TXNDC5: variants seen among roughly 807,000 people sequenced by gnomAD.
TXNDC5 encodes the protein thioredoxin domain-containing protein 5.
TXNDC5 carries 44 observed loss-of-function variants against 52.6 expected under a neutral mutation model. The observed-to-expected ratio is 0.84, with a 90% CI of 0.66 to 1.08. TXNDC5 has a LOEUF of 1.08. Among genes scored for constraint, TXNDC5 ranks in the 50% least tolerant of loss-of-function variants. TXNDC5 has a pLI of 0.00. For synonymous variants in TXNDC5, 241 were observed against 234.4 expected, an observed-to-expected ratio of 1.03 and a Z score of -0.26; for missense variants, 600 against 565.5, an observed-to-expected ratio of 1.06 and a Z score of -0.62.
At chr6:7,902,999 CCA>C (rs1227584254) in intron 2 of TXNDC5, among the ~76,000 whole-genome samples, 1 of 152,148 alleles carries the variant, frequency 6.6e-6, no homozygotes, top group Non-Finnish European at 1.5e-5. Context: ...ATAACACATA[CCA>C]CTCTCAGCTC....
intron 1 of TXNDC5, among the ~76,000 whole-genome samples, chr6:7,905,833 T>C (rs1466479747): frequency 6.6e-6 from 1 of 152,262 alleles, no homozygotes; most frequent in Non-Finnish European, 1.5e-5. Flanking sequence ...AATGCTTTTT[T>C]TTTAAACACA....
In TXNDC5 at chr6:7,910,554, TC is replaced by T; in HGVS notation, c.222del (p.Ile75SerfsTer65). 6.9e-7 allele frequency: 1 copy of T among 1,453,416 alleles called. No homozygotes were observed. Among genetic ancestry groups the T allele is most frequent in the Non-Finnish European group, 9.2e-7 (1 of 1,092,538 alleles). 90.0% of individuals were successfully genotyped at this position (1,453,416 alleles called of 1,614,324 possible). A position where few individuals can be genotyped will look rare whatever the true frequency, so the allele number is the denominator to read the frequency against. ...HLYTADMFTHGIQSAAHFVMF... is the reference protein window; with the variant it reads ...HLYTADMFTHXIQSAAHFVMF... ...ATGACGAAGTGCGCGGCGCTCTGGA[TC>T]CCGTGCGTGAACATGTCGGCCGTGT... On this transcript the variant is annotated frameshift_variant, in exon 1 of 10. Coordinates refer to ENST00000379757, the MANE Select transcript of TXNDC5 (RefSeq NM_030810.5). LOFTEE classifies it high-confidence loss of function.
chr6:7,899,523 G>T, intron 3 of TXNDC5, 53 bp downstream of exon 3: 1 of 1,397,510 alleles, frequency 7.2e-7, no homozygotes, highest in Non-Finnish European at 1.0e-6. Flanking sequence ...CAAAGATGTA[G>T]GCAGGGAGAG....
intron 1 of TXNDC5, chr6:7,910,198 C>A (rs889969764): frequency 5.1e-5 from 49 of 964,738 alleles, no homozygotes; most frequent in Middle Eastern, 5.2e-4. Flanking sequence ...GCTGAGCTCA[C>A]GCCTCCCGAC....
intron 7 of TXNDC5, 143 bp downstream of exon 7, chr6:7,888,562 G>A (rs1202624333): frequency 3.8e-6 from 4 of 1,043,778 alleles, no homozygotes; most frequent in African/African-American, 1.6e-5. Context: ...TGTTGAAAAC[G>A]CAACTGGAGC....
chr6:7,907,216 A>G (rs1285822174), intron 1 of TXNDC5, among the ~76,000 whole-genome samples: 1 of 151,684 alleles, frequency 6.6e-6, no homozygotes, highest in African/African-American at 2.4e-5. Context: ...AGAATAAACA[A>G]TAAATAAGTT....
chr6:7,904,668 T>C lies in TXNDC5; in HGVS notation c.319A>G (p.Asn107Asp), dbSNP rs1300237474. The C allele has an allele frequency of 2.5e-6, 4 of 1,614,088 alleles. No homozygotes were observed. The highest frequency in any genetic ancestry group is 3.4e-6 in the Non-Finnish European group (4 of 1,180,048). ...PTWNDLGDKY[N>D]SMEDAKVYVA... ...TAGACTTTGGCATCTTCCATGCTGT[T>C]GTATTTGTCTCCCAGGTCATTCCAA... Residue 107 changes from asparagine to aspartate, a missense_variant, in exon 2 of 10, where the codon AAC (asparagine) becomes GAC (aspartate). Asn to Asp is a conservative substitution (Grantham distance 23). Coordinates refer to ENST00000379757, the MANE Select transcript of TXNDC5 (RefSeq NM_030810.5).
At chr6:7,899,311 C>G (rs1396317218) in intron 3 of TXNDC5, among the ~76,000 whole-genome samples, 2 of 152,194 alleles carry the variant, frequency 1.3e-5, no homozygotes, top group Non-Finnish European at 2.9e-5. Flanking sequence ...AGACAAACAC[C>G]AAAATGGTGG....
chr6:7,906,638 C>T, intron 1 of TXNDC5, among the ~76,000 whole-genome samples: 1 of 150,026 alleles, frequency 6.7e-6, no homozygotes, highest in Non-Finnish European at 1.5e-5. Context: ...TCTTGGCCAG[C>T]TAAGAGAATC....
chr6:7,896,188 A>C (rs1023392704), intron 3 of TXNDC5, among the ~76,000 whole-genome samples: 4 of 152,230 alleles, frequency 2.6e-5, no homozygotes, highest in African/African-American at 9.6e-5. Context: ...GAAAGGCAAC[A>C]GAGAGAAAAC....
At position 7,888,703 on chromosome 6, in the gene TXNDC5, A is replaced by G; in HGVS notation, c.963+2T>C. 2 of 1,608,474 alleles carry G rather than the reference A, an allele frequency of 1.2e-6. No individual in the cohort carries two copies. Among genetic ancestry groups the G allele is most frequent in the Non-Finnish European group, 1.7e-6 (2 of 1,178,200 alleles). On this transcript the variant is annotated splice_donor_variant, in intron 7 of 9. Transcript: ENST00000379757. LOFTEE classifies it high-confidence loss of function. The stretch of plus-strand genomic sequence containing the variant: ...GGGATCCCGACTCCAGCAGGCACCC[A>G]CCTTGTCAGCCTCGGGCTCAGCTGC...
chr6:7,887,761 A>T (rs1204661614), intron 7 of TXNDC5, among the ~76,000 whole-genome samples: 2 of 150,536 alleles, frequency 1.3e-5, no homozygotes, highest in Admixed American at 6.6e-5. Context: ...CTCCTCTCTC[A>T]CTCTCAGGGA....
chr6:7,881,972 G>GAA lies in TXNDC5; in HGVS notation c.*1171_*1172insTT. ...TGTGCTTATTCCCAAGGGAGATAGA[G>GAA]GTGTTTAATCACAAGGACAGCATGA... On this transcript the variant is annotated 3_prime_UTR_variant, in exon 10 of 10. Transcript: ENST00000379757. 1 of 152,516 alleles carries GAA rather than the reference G, an allele frequency of 6.6e-6. No individual in the cohort carries two copies. The highest frequency in any genetic ancestry group is 2.1e-4 in the South Asian group (1 of 4,836). 9.4% of individuals were successfully genotyped at this position (152,516 alleles called of 1,614,324 possible). A position where few individuals can be genotyped will look rare whatever the true frequency, so the allele number is the denominator to read the frequency against.
chr6:7,907,467 C>A (rs1028954863), intron 1 of TXNDC5, among the ~76,000 whole-genome samples: 4 of 152,220 alleles, frequency 2.6e-5, no homozygotes, highest in African/African-American at 9.7e-5. Context: ...ACTGGCCATA[C>A]AGAAGTTGTG....
In TXNDC5 at chr6:7,896,710, G is replaced by A. The variant is rs562688910; in HGVS notation, c.520-1508C>T. Among the ~76,000 whole-genome samples, 232 of 152,292 alleles carry A rather than the reference G, an allele frequency of 1.5e-3. 1 individual carries two copies. Among genetic ancestry groups the A allele is most frequent in the African/African-American group, 5.3e-3 (220 of 41,554 alleles). On this transcript the variant is annotated intron_variant, in intron 3 of 9. Transcript: ENST00000379757. The stretch of plus-strand genomic sequence containing the variant: ...TGCACATAAGGTGAAATAAAATACC[G>A]TGTGCCACTCTCCATGAGATGTTCA...
intron 3 of TXNDC5, among the ~76,000 whole-genome samples, chr6:7,895,822 C>T (rs770744575): frequency 2.0e-5 from 3 of 151,904 alleles, no homozygotes; most frequent in Non-Finnish European, 4.4e-5. Flanking sequence ...GAGACCCCAT[C>T]GCTACAAAAA....
intron 3 of TXNDC5, among the ~76,000 whole-genome samples, chr6:7,895,519 C>T (rs113587824): frequency 7.2e-5 from 11 of 152,340 alleles, no homozygotes; most frequent in African/African-American, 2.4e-4. Flanking sequence ...ATGCAAAGGA[C>T]AGTCTTACCC....
At chr6:7,897,311 GA>G (rs1760406917) in intron 3 of TXNDC5, among the ~76,000 whole-genome samples, 1 of 152,160 alleles carries the variant, frequency 6.6e-6, no homozygotes, top group South Asian at 2.1e-4. Flanking sequence ...TGAGTTTCTT[GA>G]ATATTGCCAC....
At chr6:7,906,425 A>T (rs6905413) in intron 1 of TXNDC5, among the ~76,000 whole-genome samples, 16 of 151,112 alleles carry the variant, frequency 1.1e-4, no homozygotes, top group African/African-American at 3.9e-4. Flanking sequence ...AATCTCAGCT[A>T]CTCAGGAGGC....
Sources: allele counts gnomAD v4.1 joint callset (sites outside exome capture counted in the v4.1 genomes callset), GRCh38; gene constraint gnomAD v4.1.1; transcripts MANE v1.5; gene names NCBI Gene and HGNC (gene_info 2026-07-23, HGNC 2026-07-21).